CLCN5: variants seen among roughly 807,000 people sequenced by gnomAD.
CLCN5 encodes the protein H(+)/Cl(-) exchange transporter 5.
A neutral mutation model predicts 54.0 loss-of-function variants in CLCN5; 17 were observed. The ratio of observed to expected loss-of-function variants is 0.31; its 90% CI spans 0.22 to 0.47. The LOEUF (loss-of-function observed/expected upper bound fraction) is 0.47. CLCN5 is among the 20% of genes least tolerant of loss of function. CLCN5 has a pLI of 1.00. For missense variants in CLCN5, 448 were observed against 646.7 expected, an observed-to-expected ratio of 0.69 and a Z score of 3.33; for synonymous variants, 222 against 233.0, an observed-to-expected ratio of 0.95 and a Z score of 0.43.
At chrX:50,007,266 A>G (rs968292349) in intron 3 of CLCN5, among the ~76,000 whole-genome samples, 68 of 112,168 alleles carry the variant, frequency 6.1e-4, no homozygotes, top group African/African-American at 2.1e-3. Context: ...GGAGGCCCAC[A>G]TGTGGCTGGG....
At chrX:49,960,276 C>A (rs1374257383) in intron 3 of CLCN5, among the ~76,000 whole-genome samples, 1 of 110,456 alleles carries the variant, frequency 9.1e-6, no homozygotes, top group Non-Finnish European at 1.9e-5. Flanking sequence ...TTTTTCTGTT[C>A]TGTTCCCAGG....
chrX:50,011,672 G>T (rs782183289), intron 3 of CLCN5, among the ~76,000 whole-genome samples: 7 of 112,539 alleles, frequency 6.2e-5, no homozygotes, highest in African/African-American at 2.3e-4. Flanking sequence ...TTAAATGAGG[G>T]AAGTCTTCTT....
At chrX:49,986,376 C>T (rs1928994620) in intron 3 of CLCN5, among the ~76,000 whole-genome samples, 1 of 111,284 alleles carries the variant, frequency 9.0e-6, no homozygotes, top group Non-Finnish European at 1.9e-5. Context: ...ATTTCAAAGG[C>T]GCCATCTGCC....
intron 3 of CLCN5, among the ~76,000 whole-genome samples, chrX:50,006,845 C>T (rs967738521): frequency 1.8e-5 from 2 of 111,932 alleles, no homozygotes; most frequent in African/African-American, 6.5e-5. Context: ...AGTACAGCCA[C>T]AGTCCCCTGA....
At chrX:49,975,421 TTGA>T (rs1316717573) in intron 3 of CLCN5, among the ~76,000 whole-genome samples, 2 of 109,802 alleles carry the variant, frequency 1.8e-5, no homozygotes, top group African/African-American at 6.6e-5. Context: ...AAGTAAAGAG[TTGA>T]TAATATTTTT....
At chrX:50,040,330 G>T (rs927848784) in intron 3 of CLCN5, among the ~76,000 whole-genome samples, 14 of 112,032 alleles carry the variant, frequency 1.2e-4, no homozygotes, top group African/African-American at 4.5e-4. Context: ...ACACATCAAG[G>T]TTAACTTTTG....
chrX:49,969,540 T>C (rs189213165), intron 3 of CLCN5, among the ~76,000 whole-genome samples: 4 of 112,761 alleles, frequency 3.5e-5, no homozygotes, highest in African/African-American at 6.4e-5. Context: ...TTAAGAAGCA[T>C]GTTAATGGCT....
At chrX:49,977,477 A>G (rs1366180997) in intron 3 of CLCN5, among the ~76,000 whole-genome samples, 2 of 111,514 alleles carry the variant, frequency 1.8e-5, no homozygotes, top group African/African-American at 6.5e-5. Flanking sequence ...CTGACATCAA[A>G]TAAGTGTCTG....
At chrX:49,979,973 T>C (rs1244617849) in intron 3 of CLCN5, among the ~76,000 whole-genome samples, 2 of 111,783 alleles carry the variant, frequency 1.8e-5, no homozygotes, top group Admixed American at 1.9e-4. Context: ...AGCTCTGCTT[T>C]CTCTGCTTTA....
chrX:50,088,709 C>T lies in CLCN5; in HGVS notation c.1569C>T (p.Gly523=). Residue 523 remains glycine (G), a synonymous_variant, in exon 12 of 15, where the codon GGC becomes GGT. Transcript: ENST00000376091. ...GTTTCTCTTTGCAGATCCCTTCTGG[C>T]CTCTTTATCCCTAGCATGGCTGTTG... ...IFTFGMKIPS[G]LFIPSMAVGA... is the part of the protein sequence containing the mutation. 16 of 1,210,834 alleles carry T rather than the reference C, an allele frequency of 1.3e-5. No homozygotes were observed. The highest frequency in any genetic ancestry group is 1.7e-5 in the Non-Finnish European group (15 of 894,556).
At chrX:50,022,613 T>G (rs1931155766) in intron 3 of CLCN5, among the ~76,000 whole-genome samples, 1 of 79,097 alleles carries the variant, frequency 1.3e-5, no homozygotes, top group Non-Finnish European at 2.2e-5. Flanking sequence ...TATAGGCATT[T>G]AGTGCTATAA....
At chrX:49,974,316 G>A (rs782767448) in intron 3 of CLCN5, among the ~76,000 whole-genome samples, 1 of 111,396 alleles carries the variant, frequency 9.0e-6, no homozygotes, top group African/African-American at 3.3e-5. Flanking sequence ...AGAAAAGTAA[G>A]TGTGGCTCTT....
intron 3 of CLCN5, among the ~76,000 whole-genome samples, chrX:50,013,893 C>T (rs782252694): frequency 3.6e-4 from 40 of 112,193 alleles, no homozygotes; most frequent in Admixed American, 3.0e-3. Flanking sequence ...TGTTTTTGGT[C>T]CATTCATTTA....
intron 3 of CLCN5, among the ~76,000 whole-genome samples, chrX:49,964,648 G>A (rs1275162228): frequency 9.0e-6 from 1 of 111,076 alleles, no homozygotes; most frequent in Non-Finnish European, 1.9e-5. Context: ...TCTTGTTTAT[G>A]CTATTAATCT....
chrX:49,931,119 A>G, intron 3 of CLCN5, among the ~76,000 whole-genome samples: 1 of 111,605 alleles, frequency 9.0e-6, no homozygotes, highest in South Asian at 3.8e-4. Context: ...GAAGTTCCCC[A>G]GGTGATTCTA....
At chrX:49,927,485 T>C (rs1332545493) in intron 3 of CLCN5, among the ~76,000 whole-genome samples, 1 of 111,847 alleles carries the variant, frequency 8.9e-6, no homozygotes, top group Non-Finnish European at 1.9e-5. Flanking sequence ...CAAAGTACGA[T>C]GATAGTTTGG....
chrX:50,047,459 A>G (rs1359560601), intron 4 of CLCN5, among the ~76,000 whole-genome samples: 2 of 111,402 alleles, frequency 1.8e-5, no homozygotes, highest in Non-Finnish European at 3.8e-5. Context: ...TTAAAATGAA[A>G]CCTATGATGA....
intron 3 of CLCN5, among the ~76,000 whole-genome samples, chrX:50,009,554 G>A (rs1407917765): frequency 4.5e-5 from 5 of 111,998 alleles, no homozygotes; most frequent in African/African-American, 1.3e-4. Flanking sequence ...GTCTGAGAGG[G>A]CATGTCCATG....
chrX:49,967,464 G>T (rs1927979211), intron 3 of CLCN5, among the ~76,000 whole-genome samples: 1 of 90,799 alleles, frequency 1.1e-5, no homozygotes, highest in African/African-American at 6.5e-5. Flanking sequence ...TGATGGGGTT[G>T]TTTGTTTTTT....
Sources: gnomAD v4.1 joint callset for allele counts (sites outside exome capture counted in the v4.1 genomes callset) on GRCh38, gnomAD v4.1.1 for gene constraint, MANE v1.5 for transcripts, NCBI Gene and HGNC (gene_info 2026-07-23, HGNC 2026-07-21) for gene names.